NCOA1: variants seen among roughly 807,000 people sequenced by gnomAD.
The protein encoded by NCOA1 is nuclear receptor coactivator 1, also known as Hin-2 protein.
In NCOA1, 35 loss-of-function variants were observed where a neutral mutation model predicts 150.9. The ratio of observed to expected loss-of-function variants is 0.23; its 90% CI spans 0.18 to 0.31. The LOEUF (loss-of-function observed/expected upper bound fraction) is 0.31, where lower values mean the gene tolerates loss of function less well. NCOA1 is among the 10% of genes least tolerant of loss of function. The pLI is 1.00. For synonymous variants in NCOA1, 590 were observed against 630.0 expected (o/e 0.94, Z 0.95); for missense variants, 1,491 against 1,749.3 (o/e 0.85, Z 2.63).
At chr2:24,704,506 G>A (rs1673313622) in intron 11 of NCOA1, among the ~76,000 whole-genome samples, 1 of 152,194 alleles carries the variant, frequency 6.6e-6, no homozygotes, top group Non-Finnish European at 1.5e-5. Flanking sequence ...GCCAGGCGCG[G>A]TGGCTTACGC....
chr2:24,506,990 T>C (rs1663723832), intron 1 of NCOA1, among the ~76,000 whole-genome samples: 1 of 152,230 alleles, frequency 6.6e-6, no homozygotes, highest in Non-Finnish European at 1.5e-5. Context: ...AGCACTTCTC[T>C]TGTAGAATTC....
chr2:24,507,842 C>A (rs1037025227), intron 1 of NCOA1, among the ~76,000 whole-genome samples: 1 of 152,046 alleles, frequency 6.6e-6, no homozygotes, highest in African/African-American at 2.4e-5. Context: ...GGTAAACTTA[C>A]CTCTGACTTT....
intron 14 of NCOA1, among the ~76,000 whole-genome samples, chr2:24,713,718 C>T (rs1444349973): frequency 6.6e-6 from 1 of 152,178 alleles, no homozygotes; most frequent in East Asian, 1.9e-4. Flanking sequence ...GTGAGCTCTA[C>T]AATCATCTCA....
At chr2:24,690,744 A>G (rs1271118738) in intron 8 of NCOA1, among the ~76,000 whole-genome samples, 1 of 150,206 alleles carries the variant, frequency 6.7e-6, no homozygotes, top group Non-Finnish European at 1.5e-5. Flanking sequence ...TGTGACTGGG[A>G]AATTATGAGC....
intron 17 of NCOA1, among the ~76,000 whole-genome samples, chr2:24,737,434 G>A (rs1427310645): frequency 1.3e-5 from 2 of 152,124 alleles, no homozygotes; most frequent in African/African-American, 4.8e-5. Flanking sequence ...CTAAAAAAGA[G>A]CCTATTACTA....
intron 1 of NCOA1, among the ~76,000 whole-genome samples, chr2:24,493,601 GAA>G (rs75241800): frequency 5.6e-5 from 8 of 143,588 alleles, no homozygotes; most frequent in Non-Finnish European, 9.2e-5. Flanking sequence ...GGTTTTATTG[GAA>G]AAAAAAAAAA....
intron 3 of NCOA1, among the ~76,000 whole-genome samples, chr2:24,614,274 T>A (rs1299440307): frequency 7.3e-6 from 1 of 137,592 alleles, no homozygotes; most frequent in Non-Finnish European, 1.5e-5. Context: ...AGTACAGTGG[T>A]GTGATCACAG....
At chr2:24,691,380 G>A (rs990490734) in intron 8 of NCOA1, 101 bp from the exon 9 acceptor site, 6 of 1,043,838 alleles carry the variant, frequency 5.7e-6, no homozygotes, top group East Asian at 2.4e-5. Flanking sequence ...TTTAATCTGA[G>A]TATCTAATTA....
intron 4 of NCOA1, among the ~76,000 whole-genome samples, chr2:24,646,407 AT>A (rs1670477465): frequency 2.0e-5 from 3 of 152,112 alleles, no homozygotes; most frequent in Admixed American, 6.6e-5. Flanking sequence ...AGGAAACAAC[AT>A]TTTTTATTGC....
rs148926059 is a variant in NCOA1 at position 24,617,370 on chromosome 2, C to G, written c.-174-26596C>G. Among the ~76,000 whole-genome samples the G allele has an allele frequency of 7.4e-4, 113 of 152,194 alleles. 1 individual carries two copies. The East Asian group carries it at 0.018, about 24-fold the overall frequency. On this transcript the variant is annotated intron_variant, in intron 3 of 22. Transcript: ENST00000348332. Reference sequence around the variant, plus strand: ...CTCCACCTCAACTTCTGCTGGTTTTCCTTTTACCTCTATCCATTTTCTCTC... The same window carrying G: ...CTCCACCTCAACTTCTGCTGGTTTTGCTTTTACCTCTATCCATTTTCTCTC...
chr2:24,567,761 CT>C (rs956107262), intron 2 of NCOA1, among the ~76,000 whole-genome samples: 3 of 152,096 alleles, frequency 2.0e-5, no homozygotes, highest in Non-Finnish European at 2.9e-5. Context: ...TTATCAATTT[CT>C]TTTTTTAAGA....
intron 8 of NCOA1, among the ~76,000 whole-genome samples, chr2:24,684,767 A>C (rs1286785960): frequency 6.6e-6 from 1 of 152,212 alleles, no homozygotes; most frequent in Admixed American, 6.5e-5. Context: ...TAATAATAGA[A>C]TAGATCACCT....
At chr2:24,642,007 C>CGTGTGTGTGTGTGTGTGTGT (rs58991961) in intron 3 of NCOA1, among the ~76,000 whole-genome samples, 36 of 145,022 alleles carry the variant, frequency 2.5e-4, no homozygotes, top group African/African-American at 5.7e-4. Flanking sequence ...TTACAGAGGG[C>CGTGTGTGTGTGTGTGTGTGT]GTGTGTGTGT....
intron 2 of NCOA1, among the ~76,000 whole-genome samples, chr2:24,581,801 A>G (rs1667204919): frequency 6.6e-6 from 1 of 152,220 alleles, no homozygotes; most frequent in African/African-American, 2.4e-5. Flanking sequence ...GAATGGTTCA[A>G]CATATGCAAA....
At chr2:24,547,924 G>A (rs1413927186) in intron 1 of NCOA1, among the ~76,000 whole-genome samples, 2 of 141,638 alleles carry the variant, frequency 1.4e-5, no homozygotes, top group African/African-American at 2.6e-5. Context: ...GGGAGACGGA[G>A]CTTGCAGTGA....
At chr2:24,684,362 A>T (rs1672309828) in intron 8 of NCOA1, among the ~76,000 whole-genome samples, 1 of 152,190 alleles carries the variant, frequency 6.6e-6, no homozygotes, top group Non-Finnish European at 1.5e-5. Context: ...GAAAACAAGG[A>T]TGAGCTGTTT....
rs1242620741 is a variant in NCOA1, at chr2:24,769,847, AC to A, written c.*1458del. ...AAGCAAAGGTAGACCCCCATCACTC[AC>A]CTTTGTCTGCATCCCTGGGCCTGTG... On this transcript the variant is annotated 3_prime_UTR_variant, in exon 23 of 23. Coordinates refer to ENST00000348332, the MANE Select transcript of NCOA1 (RefSeq NM_003743.5). 4.5e-6 allele frequency: 1 copy of A among 223,070 alleles called. No homozygotes were observed. The highest frequency in any genetic ancestry group is 6.5e-5 in the East Asian group (1 of 15,382). The allele number at this position is 223,070 out of a possible 1,614,324, so 13.8% of individuals were successfully genotyped here.
At chr2:24,666,381 G>C (rs1671428899) in intron 6 of NCOA1, among the ~76,000 whole-genome samples, 1 of 152,106 alleles carries the variant, frequency 6.6e-6, no homozygotes, top group African/African-American at 2.4e-5. Flanking sequence ...TTGTTAAGAT[G>C]CTGTTTATTT....
At chr2:24,499,858 A>C (rs1343494921) in intron 1 of NCOA1, among the ~76,000 whole-genome samples, 2 of 152,194 alleles carry the variant, frequency 1.3e-5, no homozygotes, top group East Asian at 3.8e-4. Flanking sequence ...CGTTACACGG[A>C]GGGAACAGTG....
Sources: allele counts gnomAD v4.1 joint callset (sites outside exome capture counted in the v4.1 genomes callset), GRCh38; gene constraint gnomAD v4.1.1; transcripts MANE v1.5; gene names NCBI Gene and HGNC (gene_info 2026-07-23, HGNC 2026-07-21).